TIAL1: variants seen among roughly 807,000 people sequenced by gnomAD.
TIAL1 encodes nucleolysin TIAR.
A neutral mutation model predicts 59.7 loss-of-function variants in TIAL1; 7 were observed. That is an observed-to-expected ratio of 0.12 (90% CI 0.07 to 0.22). The LOEUF (loss-of-function observed/expected upper bound fraction) is 0.22. TIAL1 is among the 10% of genes least tolerant of loss of function. TIAL1 has a pLI of 1.00. For missense variants in TIAL1, 225 were observed against 462.5 expected, an observed-to-expected ratio of 0.49 and a Z score of 4.71; for synonymous variants, 149 against 146.3, an observed-to-expected ratio of 1.02 and a Z score of -0.13.
chr10:119,594,898 C>T (rs559414483), intron 1 of TIAL1, among the ~76,000 whole-genome samples: 2 of 152,200 alleles, frequency 1.3e-5, no homozygotes, highest in Non-Finnish European at 2.9e-5. Context: ...GCTGGGATTA[C>T]AGGCGTGAGC....
At chr10:119,596,379 GT>G in intron 1 of TIAL1, 54 bp downstream of exon 1, 1 of 1,603,910 alleles carries the variant, frequency 6.2e-7, no homozygotes, top group Non-Finnish European at 8.5e-7. Flanking sequence ...CTCCCTTAGC[GT>G]CCCGCGGTGC....
At position 119,590,768 on chromosome 10, in the gene TIAL1, GAA is replaced by G. The variant is rs879765762; in HGVS notation, c.33-2522_33-2521del. ...AGAGAGACAGAGAGAAAGAGAGAAA[GAA>G]AGAAAGAAAGAAAGAAAGAAAGAAA... On this transcript the variant is annotated intron_variant, in intron 1 of 11. Transcript: ENST00000436547. Among the ~76,000 whole-genome samples, 821 of 87,748 alleles carry G rather than the reference GAA, an allele frequency of 9.4e-3. 17 individuals carry two copies. Among genetic ancestry groups the G allele is most frequent in the Middle Eastern group, 0.012 (2 of 172 alleles). The allele number at this position is 87,748 out of a possible 152,430, so 57.6% of individuals were successfully genotyped here.
Position 119,582,631 on chromosome 10 carries a change from A to G in TIAL1, c.130-74T>C. Reference sequence around the variant, plus strand: ...TTGCTGAGAAGAAAATCCAGGAAAAAACATTACTGATAGCTGGGAATATAC... The same window carrying G: ...TTGCTGAGAAGAAAATCCAGGAAAAGACATTACTGATAGCTGGGAATATAC... On this transcript the variant is annotated intron_variant, in intron 2 of 11. Transcript: ENST00000436547. The surrounding 1 kb of genome is among the most constrained non-coding windows in gnomAD (Gnocchi z 5.1). 6.3e-7 allele frequency: 1 copy of G among 1,583,506 alleles called. No homozygotes were observed. The highest frequency in any genetic ancestry group is 8.6e-7 in the Non-Finnish European group (1 of 1,169,112).
intron 5 of TIAL1, 173 bp downstream of exon 5, chr10:119,581,749 T>C: frequency 1.9e-6 from 1 of 530,836 alleles, no homozygotes; most frequent in Non-Finnish European, 3.3e-6. Flanking sequence ...TGAAATGACA[T>C]TAACATTTTC....
intron 11 of TIAL1, 27 bp from the exon 12 acceptor site, chr10:119,575,818 G>T (rs754691601): frequency 6.7e-7 from 1 of 1,484,668 alleles, no homozygotes; most frequent in South Asian, 1.4e-5. Flanking sequence ...AAAATCTTCA[G>T]CAAACACAAG....
intron 5 of TIAL1, chr10:119,580,885 C>T (rs1278093612): frequency 8.5e-7 from 1 of 1,173,058 alleles, no homozygotes; most frequent in Non-Finnish European, 1.1e-6. Context: ...TTAATTGTGA[C>T]TTGGACTTAA....
rs1249587290 is a variant in TIAL1 at position 119,575,275 on chromosome 10, T to G, written c.*390A>C. 1.5e-4 allele frequency: 26 copies of G among 174,290 alleles called. No individual in the cohort carries two copies. The highest frequency in any genetic ancestry group is 6.1e-5 in the Non-Finnish European group (5 of 81,740). The allele number at this position is 174,290 out of a possible 1,614,324, so 10.8% of individuals were successfully genotyped here. A position where few individuals can be genotyped will look rare whatever the true frequency, so the allele number is the denominator to read the frequency against. ...TGAACTTATATGTGATTCCCAGGTT[T>G]TCACGATCCTCCCTTTTTTGCTCTT... On this transcript the variant is annotated 3_prime_UTR_variant, in exon 12 of 12. Coordinates refer to ENST00000436547, the MANE Select transcript of TIAL1 (RefSeq NM_003252.4).
intron 1 of TIAL1, 56 bp from the exon 2 acceptor site, chr10:119,588,304 G>T (rs923854964): frequency 8.0e-5 from 81 of 1,010,726 alleles, no homozygotes; most frequent in Non-Finnish European, 9.9e-5. Context: ...TGGCTCTAAT[G>T]TGTTATCATC....
At chr10:119,593,797 T>A (rs1364353549) in intron 1 of TIAL1, among the ~76,000 whole-genome samples, 1 of 152,214 alleles carries the variant, frequency 6.6e-6, no homozygotes, top group Non-Finnish European at 1.5e-5. Context: ...TATTAAACTC[T>A]AATAAAAATC....
chr10:119,584,010 G>A (rs556069381), intron 2 of TIAL1, among the ~76,000 whole-genome samples: 4 of 152,222 alleles, frequency 2.6e-5, no homozygotes, highest in Admixed American at 2.6e-4. Context: ...TATCTCTTTT[G>A]CCCCAATGGT....
intron 11 of TIAL1, 82 bp downstream of exon 11, chr10:119,576,527 AAT>A (rs1256964915): frequency 3.9e-6 from 6 of 1,527,096 alleles, no homozygotes; most frequent in Non-Finnish European, 5.3e-6. Flanking sequence ...ATATAATTAA[AAT>A]AGATTCTCCC....
intron 7 of TIAL1, among the ~76,000 whole-genome samples, chr10:119,578,276 CAT>C (rs1481820442): frequency 1.7e-5 from 2 of 119,374 alleles, no homozygotes; most frequent in East Asian, 5.0e-4. Flanking sequence ...GAGGAGAAAA[CAT>C]AATTTTTCTT....
intron 6 of TIAL1, among the ~76,000 whole-genome samples, chr10:119,579,274 G>T (rs1435946512): frequency 6.6e-6 from 1 of 152,100 alleles, no homozygotes; most frequent in Non-Finnish European, 1.5e-5. Flanking sequence ...GGAGGTGGAG[G>T]TTGCAGTGGG....
At position 119,582,686 on chromosome 10, in the gene TIAL1, C is replaced by T; in HGVS notation, c.130-129G>A. 1 of 1,396,262 alleles carries T rather than the reference C, an allele frequency of 7.2e-7. No individual in the cohort carries two copies. The highest frequency in any genetic ancestry group is 2.5e-5 in the East Asian group (1 of 40,340). 86.5% of individuals were successfully genotyped at this position (1,396,262 alleles called of 1,614,324 possible). ...TGAGACTGCATAAGCTTATGAAAGC[C>T]TAACACTTTTTAAATAAGATTTAAA... is the stretch of plus-strand genomic sequence containing the variant. On this transcript the variant is annotated intron_variant, in intron 2 of 11. Transcript: ENST00000436547. This position sits in a 1 kb window ranked among gnomAD's most constrained non-coding sequence, Gnocchi z 5.1.
chr10:119,588,251 G>A lies in TIAL1; in HGVS notation c.33-3C>T. The A allele has an allele frequency of 6.4e-7, 1 of 1,551,902 alleles. No individual in the cohort carries two copies. Among genetic ancestry groups the A allele is most frequent in the Non-Finnish European group, 8.7e-7 (1 of 1,145,360 alleles). On this transcript the variant is annotated splice_region_variant and splice_polypyrimidine_tract_variant and intron_variant, in intron 1 of 11. Coordinates refer to ENST00000436547, the MANE Select transcript of TIAL1 (RefSeq NM_003252.4). ...CTCTGGAAAGGTTACCTACGTATCT[G>A]CACAAGAAAAAAATACGTTATCAGC...
Position 119,574,735 on chromosome 10 carries a change from T to C in TIAL1, c.*930A>G, listed in dbSNP as rs879029995. On this transcript the variant is annotated 3_prime_UTR_variant, in exon 12 of 12. Coordinates refer to ENST00000436547, the MANE Select transcript of TIAL1 (RefSeq NM_003252.4). ...TTTAATTTTACATAGTAGCCAACCT[T>C]GGAAATGTCAGTCTTAACATTCTGA... The C allele has an allele frequency of 2.6e-5, 4 of 152,622 alleles. No individual in the cohort carries two copies. The South Asian group carries it at 8.3e-4, about 32-fold the overall frequency. 9.5% of individuals were successfully genotyped at this position (152,622 alleles called of 1,614,324 possible). A position where few individuals can be genotyped will look rare whatever the true frequency, so the allele number is the denominator to read the frequency against.
At chr10:119,591,395 G>A (rs1305187448) in intron 1 of TIAL1, among the ~76,000 whole-genome samples, 1 of 147,556 alleles carries the variant, frequency 6.8e-6, no homozygotes, top group African/African-American at 2.5e-5. Flanking sequence ...CAACAAGAGC[G>A]AAACTCCATC....
chr10:119,574,586 C>CAAAAAAAAAAAAAAAAAAAAA lies in TIAL1; in HGVS notation c.*1058_*1078dup, dbSNP rs5788360. ...TATTTACATACCAAGTAATGTAAAG[C>CAAAAAAAAAAAAAAAAAAAAA]AAAAAAAAAAAAAAAAAAAAACAAA... On this transcript the variant is annotated 3_prime_UTR_variant, in exon 12 of 12. Coordinates refer to ENST00000436547, the MANE Select transcript of TIAL1 (RefSeq NM_003252.4). 44 of 86,570 alleles carry CAAAAAAAAAAAAAAAAAAAAA rather than the reference C, an allele frequency of 5.1e-4. No individual in the cohort carries two copies. Among genetic ancestry groups the CAAAAAAAAAAAAAAAAAAAAA allele is most frequent in the Non-Finnish European group, 5.9e-4 (28 of 47,624 alleles). 5.4% of individuals were successfully genotyped at this position (86,570 alleles called of 1,614,324 possible).
intron 1 of TIAL1, among the ~76,000 whole-genome samples, chr10:119,594,859 G>A (rs1414136886): frequency 6.6e-6 from 1 of 152,136 alleles, no homozygotes; most frequent in Non-Finnish European, 1.5e-5. Context: ...TCTTGACCTC[G>A]TGATCCGCCC....
Sources: allele counts gnomAD v4.1 joint callset (sites outside exome capture counted in the v4.1 genomes callset), GRCh38; gene constraint gnomAD v4.1.1; non-coding constraint Gnocchi (gnomAD v3.1); transcripts MANE v1.5; gene names NCBI Gene and HGNC (gene_info 2026-07-23, HGNC 2026-07-21).